Variants in ZNF485 observed in about 807,000 individuals in gnomAD.
The protein encoded by ZNF485 is zinc finger protein 485.
Under a neutral mutation model 10.8 loss-of-function variants are expected in ZNF485, and 9 were observed. The observed-to-expected ratio is 0.83, with a 90% CI of 0.50 to 1.45. ZNF485 has a LOEUF of 1.45. ZNF485 is among the 40% of genes most tolerant of loss of function. The pLI is 0.00. For synonymous variants in ZNF485, 187 were observed against 181.0 expected (o/e 1.03, Z -0.27); for missense variants, 487 against 528.0 (o/e 0.92, Z 0.76).
chr10:43,617,611 A>G lies in ZNF485; in HGVS notation c.*242A>G, dbSNP rs571183710. On this transcript the variant is annotated 3_prime_UTR_variant, in exon 5 of 5. Coordinates refer to ENST00000361807, the MANE Select transcript of ZNF485 (RefSeq NM_145312.4). ...GAGGTGGAGCTGTAAATACTGTACA[A>G]AGCCAGGCATGGTGGCATATGCCTG... The G allele has an allele frequency of 4.8e-4, 172 of 359,740 alleles. 3 individuals are homozygous for G. Among genetic ancestry groups the G allele is most frequent in the African/African-American group, 3.2e-3 (159 of 48,938 alleles). 22.3% of individuals were successfully genotyped at this position (359,740 alleles called of 1,614,324 possible). A position where few individuals can be genotyped will look rare whatever the true frequency, so the allele number is the denominator to read the frequency against.
chr10:43,611,467 T>G (rs1838767020), intron 4 of ZNF485, among the ~76,000 whole-genome samples: 1 of 152,200 alleles, frequency 6.6e-6, no homozygotes, highest in African/African-American at 2.4e-5. Flanking sequence ...TGAACAATGT[T>G]GCAGTGATTA....
chr10:43,607,714 A>G (rs1374205146), intron 2 of ZNF485, among the ~76,000 whole-genome samples: 1 of 152,236 alleles, frequency 6.6e-6, no homozygotes, highest in Non-Finnish European at 1.5e-5. Flanking sequence ...AAGATCACCT[A>G]CATTTCTACT....
At chr10:43,615,231 C>T (rs941352245) in intron 4 of ZNF485, among the ~76,000 whole-genome samples, 7 of 152,016 alleles carry the variant, frequency 4.6e-5, no homozygotes, top group South Asian at 2.1e-4. Context: ...ATAAGAAAAG[C>T]GCATTTAGTA....
chr10:43,610,127 T>C (rs748716764), intron 4 of ZNF485, among the ~76,000 whole-genome samples: 16 of 152,182 alleles, frequency 1.1e-4, no homozygotes, highest in Non-Finnish European at 1.9e-4. Context: ...GGCAAACACA[T>C]TGTTGGGGAA....
Position 43,616,454 on chromosome 10 carries a change from A to T in ZNF485, c.411A>T (p.Lys137Asn), listed in dbSNP as rs146591781. ...ACTATAAGTGCAAGGAATGTGGGAA[A>T]GTCTTCAAATACAATTCGTCCTTTA... ...EKNYKCKECGKVFKYNSSFIS... is the reference protein window; with the variant it reads ...EKNYKCKECGNVFKYNSSFIS... Residue 137 changes from lysine (K) to asparagine (N), a missense_variant, in exon 5 of 5, where the codon AAA becomes AAT. Physicochemically the swap from Lys to Asn is moderately conservative, Grantham distance 94. Transcript: ENST00000361807. 9 of 1,614,164 alleles carry T rather than the reference A, an allele frequency of 5.6e-6. No homozygotes were observed. The South Asian group carries it at 9.9e-5, about 18-fold the overall frequency.
chr10:43,617,536 A>G lies in ZNF485; in HGVS notation c.*167A>G. The G allele has an allele frequency of 1.7e-6, 1 of 573,068 alleles. No individual in the cohort carries two copies. Among genetic ancestry groups the G allele is most frequent in the Non-Finnish European group, 3.0e-6 (1 of 333,116 alleles). The allele number at this position is 573,068 out of a possible 1,614,324, so 35.5% of individuals were successfully genotyped here. A position where few individuals can be genotyped will look rare whatever the true frequency, so the allele number is the denominator to read the frequency against. ...TGAAATATTTGAAGAAACTAAATGT[A>G]TGTCAGTATGGAAGTAGTTATAGCA... On this transcript the variant is annotated 3_prime_UTR_variant, in exon 5 of 5. Coordinates refer to ENST00000361807, the MANE Select transcript of ZNF485 (RefSeq NM_145312.4).
At chr10:43,608,244 T>A (rs1020598297) in intron 2 of ZNF485, among the ~76,000 whole-genome samples, 4 of 152,210 alleles carry the variant, frequency 2.6e-5, no homozygotes, top group African/African-American at 9.6e-5. Flanking sequence ...GAGCTCACAT[T>A]AGAGAGGATG....
chr10:43,611,959 A>T (rs74410329), intron 4 of ZNF485, among the ~76,000 whole-genome samples: 1 of 152,164 alleles, frequency 6.6e-6, no homozygotes, highest in Non-Finnish European at 1.5e-5. Context: ...ATATTAACAA[A>T]GGTAATGATG....
intron 4 of ZNF485, among the ~76,000 whole-genome samples, chr10:43,611,110 C>T (rs1838760153): frequency 6.6e-6 from 1 of 152,150 alleles, no homozygotes; most frequent in Non-Finnish European, 1.5e-5. Context: ...GATCATGGCT[C>T]ACTGCAACCT....
chr10:43,610,651 C>T (rs919815313), intron 4 of ZNF485, among the ~76,000 whole-genome samples: 1 of 152,068 alleles, frequency 6.6e-6, no homozygotes, highest in African/African-American at 2.4e-5. Context: ...AATGTTTCCC[C>T]TAATATTTCT....
intron 3 of ZNF485, 112 bp downstream of exon 3, chr10:43,608,852 T>G (rs928214145): frequency 1.7e-4 from 251 of 1,438,870 alleles, no homozygotes; most frequent in Middle Eastern, 1.9e-4. Context: ...GCTTTTTGTT[T>G]TGTTTTTCTT....
At chr10:43,609,851 A>G (rs1838734888) in intron 4 of ZNF485, among the ~76,000 whole-genome samples, 2 of 151,850 alleles carry the variant, frequency 1.3e-5, no homozygotes, top group Non-Finnish European at 2.9e-5. Flanking sequence ...GCTAATTTTT[A>G]AATTTTTATT....
rs369598002 is a variant in ZNF485, at chr10:43,615,394, G to C, written c.248-897G>C. Among the ~76,000 whole-genome samples, 159 of 151,542 alleles carry C rather than the reference G, an allele frequency of 1.0e-3. 2 individuals carry two copies. The highest frequency in any genetic ancestry group is 3.7e-3 in the African/African-American group (153 of 40,962). On this transcript the variant is annotated intron_variant, in intron 4 of 4. Coordinates refer to ENST00000361807, the MANE Select transcript of ZNF485 (RefSeq NM_145312.4). Reference sequence around the variant, plus strand: ...AGAAAATTCACATAGTACACCCATTGATTGGTAATTTTTTTTTTGTTTTTT... The same window carrying C: ...AGAAAATTCACATAGTACACCCATTCATTGGTAATTTTTTTTTTGTTTTTT...
At chr10:43,612,593 T>C (rs1257175733) in intron 4 of ZNF485, among the ~76,000 whole-genome samples, 2 of 152,224 alleles carry the variant, frequency 1.3e-5, no homozygotes, top group Non-Finnish European at 2.9e-5. Flanking sequence ...TAGTAATTTA[T>C]AATTTCCTAA....
chr10:43,617,039 A>G lies in ZNF485; in HGVS notation c.996A>G (p.Gly332=), dbSNP rs758953278. 6.2e-7 allele frequency: 1 copy of G among 1,614,216 alleles called. No homozygotes were observed. The highest frequency in any genetic ancestry group is 8.5e-7 in the Non-Finnish European group (1 of 1,180,046). ...GEKPYHCSKC[G]KSFRYSSSFA... Reference sequence around the variant, plus strand: ...AACCCTATCACTGCAGTAAATGTGGAAAATCTTTCAGGTATAGCTCATCCT... The same window carrying G: ...AACCCTATCACTGCAGTAAATGTGGGAAATCTTTCAGGTATAGCTCATCCT... The change falls in exon 5 of 5, where the codon GGA becomes GGG. Residue 332 remains glycine, a synonymous_variant. Coordinates refer to ENST00000361807, the MANE Select transcript of ZNF485 (RefSeq NM_145312.4).
At chr10:43,609,404 G>A in intron 4 of ZNF485, 54 bp downstream of exon 4, 2 of 1,428,428 alleles carry the variant, frequency 1.4e-6, no homozygotes, top group Middle Eastern at 2.1e-4. Flanking sequence ...GCAGTACGGG[G>A]GTTCCTGAGT....
rs376445337 is a variant in ZNF485, at chr10:43,616,994, A to G, written c.951A>G (p.Gln317=). The change falls in exon 5 of 5, where the codon CAA becomes CAG. Residue 317 remains glutamine, a synonymous_variant. Transcript: ENST00000361807. Reference sequence around the variant, plus strand: ...AGAGCTCAACTCTTATTAGTCACCAAAGAATGCATACTGGGGAGAAACCCT... The same window carrying G: ...AGAGCTCAACTCTTATTAGTCACCAGAGAATGCATACTGGGGAGAAACCCT... ...FRKSSTLISH[Q]RMHTGEKPYH... 104 of 1,614,036 alleles carry G rather than the reference A, an allele frequency of 6.4e-5. No individual in the cohort carries two copies. The highest frequency in any genetic ancestry group is 8.0e-5 in the Non-Finnish European group (94 of 1,180,056).
At chr10:43,615,685 A>G (rs1011355528) in intron 4 of ZNF485, among the ~76,000 whole-genome samples, 1 of 152,202 alleles carries the variant, frequency 6.6e-6, no homozygotes, top group Admixed American at 6.5e-5. Flanking sequence ...TACAGGCATG[A>G]GCCACCGTGC....
At chr10:43,607,400 A>T in intron 2 of ZNF485, 19 of 370,090 alleles carry the variant, frequency 5.1e-5, no homozygotes, top group East Asian at 9.1e-5. Flanking sequence ...AGTGTGTGGT[A>T]GGGTGGGAGG....
Sources: gnomAD v4.1 joint callset for allele counts (sites outside exome capture counted in the v4.1 genomes callset) on GRCh38, gnomAD v4.1.1 for gene constraint, MANE v1.5 for transcripts, NCBI Gene and HGNC (gene_info 2026-07-23, HGNC 2026-07-21) for gene names.